The following GRK1 variants were observed in gnomAD, a reference collection of about 807,000 sequenced individuals.
GRK1 encodes rhodopsin kinase GRK1.
Under a neutral mutation model 41.7 loss-of-function variants are expected in GRK1, and 28 were observed. The ratio of observed to expected loss-of-function variants is 0.67; its 90% CI spans 0.50 to 0.92. The LOEUF (loss-of-function observed/expected upper bound fraction) is 0.92. GRK1 is among the 40% of genes least tolerant of loss of function. The pLI, the probability that GRK1 is intolerant of heterozygous loss-of-function variation, is 0.00. For synonymous variants in GRK1, 327 were observed against 286.7 expected (o/e 1.14, Z -1.42); for missense variants, 703 against 671.2 (o/e 1.05, Z -0.52).
intron 4 of GRK1, among the ~76,000 whole-genome samples, chr13:113,727,591 C>T (rs1264344508): frequency 6.7e-6 from 1 of 149,792 alleles, no homozygotes; most frequent in African/African-American, 2.5e-5. Flanking sequence ...TGAGGAGTAC[C>T]CATGGCAATG....
At chr13:113,652,599 G>A in the GRK1 span, 2 of 509,738 alleles carry the variant, frequency 3.9e-6, no homozygotes, top group Non-Finnish European at 7.2e-6. Context: ...GCCCTGAAGG[G>A]GGCCCTGGCC....
rs144116780 is a variant in GRK1 at position 113,731,782 on chromosome 13, C to T, written c.1194+439C>T. ...TGGAGCTTCATCCCCTGGGGACTGG[C>T]GAGGCTGAGGCTGGGGCTCTGGGGG... On this transcript the variant is annotated intron_variant, in intron 5 of 6. Transcript: ENST00000335678. This position sits in a 1 kb window ranked among gnomAD's most constrained non-coding sequence, Gnocchi z 5.6. Among the ~76,000 whole-genome samples the T allele has an allele frequency of 5.6e-3, 860 of 152,250 alleles. 9 individuals are homozygous for T. Among genetic ancestry groups the T allele is most frequent in the African/African-American group, 0.02 (824 of 41,548 alleles).
the GRK1 span, chr13:113,657,984 T>G: frequency 6.8e-7 from 1 of 1,471,202 alleles, no homozygotes; most frequent in South Asian, 1.2e-5. Context: ...GGCTGCGTCC[T>G]CAGAGCGGCC....
rs897798283 is a variant in GRK1, at chr13:113,735,513, A to G, written c.*150A>G. ...CATCACGCCATCTCCTTGCGGCCCAAGGAGGAGAAAGCCCACATCGGCCTG... is the reference window on the plus strand; with the variant it reads ...CATCACGCCATCTCCTTGCGGCCCAGGGAGGAGAAAGCCCACATCGGCCTG... On this transcript the variant is annotated 3_prime_UTR_variant, in exon 7 of 7. Coordinates refer to ENST00000335678, the MANE Select transcript of GRK1 (RefSeq NM_002929.3). 14 of 858,376 alleles carry G rather than the reference A, an allele frequency of 1.6e-5. No individual in the cohort carries two copies. The highest frequency in any genetic ancestry group is 9.8e-5 in the South Asian group (4 of 40,844). The allele number at this position is 858,376 out of a possible 1,614,324, so 53.2% of individuals were successfully genotyped here. A position where few individuals can be genotyped will look rare whatever the true frequency, so the allele number is the denominator to read the frequency against.
Position 113,669,907 on chromosome 13 carries a change from G to A in GRK1, c.827+93G>A, listed in dbSNP as rs1442830245. 12 of 1,492,200 alleles carry A rather than the reference G, an allele frequency of 8.0e-6. No homozygotes were observed. The South Asian group carries it at 8.4e-5, about 10-fold the overall frequency. The allele number at this position is 1,492,200 out of a possible 1,614,324, so 92.4% of individuals were successfully genotyped here. A position where few individuals can be genotyped will look rare whatever the true frequency, so the allele number is the denominator to read the frequency against. On this transcript the variant is annotated intron_variant, in intron 2 of 6. Coordinates refer to ENST00000335678, the MANE Select transcript of GRK1 (RefSeq NM_002929.3). ...GGCTCCTTTCCACAGGCAGAGCCAT[G>A]GTGGCCCCAGGCCTGCCCTCGAGGG...
intron 6 of GRK1, among the ~76,000 whole-genome samples, chr13:113,733,480 T>C (rs941425260): frequency 1.3e-5 from 2 of 152,288 alleles, no homozygotes; most frequent in East Asian, 3.9e-4. Context: ...CGGAAGATAC[T>C]ATGTGCGCGC....
At chr13:113,734,914 G>T in intron 6 of GRK1, 154 bp from the exon 7 acceptor site, 1 of 705,768 alleles carries the variant, frequency 1.4e-6, no homozygotes, top group Non-Finnish European at 2.2e-6. Context: ...GGGAACACTG[G>T]GCTTTCTCTC....
chr13:113,660,180 G>A, the GRK1 span, among the ~76,000 whole-genome samples: 1 of 152,092 alleles, frequency 6.6e-6, no homozygotes, highest in African/African-American at 2.4e-5. Flanking sequence ...ACAATGAGGG[G>A]GGCCCAGAAT....
At chr13:113,669,459 A>G (rs776446853) in intron 1 of GRK1, among the ~76,000 whole-genome samples, 2 of 152,238 alleles carry the variant, frequency 1.3e-5, no homozygotes, top group Non-Finnish European at 2.9e-5. Context: ...CCAGAAGACC[A>G]GAAGTCCCCT....
At chr13:113,649,550 A>G in the GRK1 span, 1 of 1,488,552 alleles carries the variant, frequency 6.7e-7, no homozygotes, top group Non-Finnish European at 9.0e-7. This position sits in a 1 kb window ranked among gnomAD's most constrained non-coding sequence, Gnocchi z 4.7. Flanking sequence ...AGTGGGAGTG[A>G]GGAAAGGACA....
At position 113,671,928 on chromosome 13, in the gene GRK1, A is replaced by G. The variant is rs2049860434; in HGVS notation, c.985+272A>G. On this transcript the variant is annotated intron_variant, in intron 3 of 6. Transcript: ENST00000335678. This position sits in a 1 kb window ranked among gnomAD's most constrained non-coding sequence, Gnocchi z 4.1. ...CTTCTGCCTGAATGAGGCGTCACAC[A>G]GGGATTCTTCTCAGAAATAAACACG... Among the ~76,000 whole-genome samples, 1 of 152,126 alleles carries G rather than the reference A, an allele frequency of 6.6e-6. No homozygotes were observed. Among genetic ancestry groups the G allele is most frequent in the Non-Finnish European group, 1.5e-5 (1 of 68,006 alleles).
the GRK1 span, among the ~76,000 whole-genome samples, chr13:113,661,249 G>T: frequency 1.3e-5 from 2 of 152,084 alleles, no homozygotes; most frequent in Non-Finnish European, 2.9e-5. Context: ...TAATACTCAT[G>T]AGTCAAAAAG....
At chr13:113,733,936 ACGTGTGTGCGTGTGTGTG>A (rs2049976445) in intron 6 of GRK1, among the ~76,000 whole-genome samples, 1 of 99,008 alleles carries the variant, frequency 1.0e-5, no homozygotes, top group Non-Finnish European at 1.9e-5. Flanking sequence ...ATGTGTGCAT[ACGTGTGTGCGTGTGTGTG>A]CATACGTGTG....
At position 113,667,901 on chromosome 13, in the gene GRK1, T is replaced by G. The variant is rs1413248949; in HGVS notation, c.515T>G (p.Leu172Arg). The change falls in exon 1 of 7, where the codon CTG becomes CGG. Residue 172 changes from leucine (L) to arginine (R), a missense_variant. Coordinates refer to ENST00000335678, the MANE Select transcript of GRK1 (RefSeq NM_002929.3). This position sits in a 1 kb window ranked among gnomAD's most constrained non-coding sequence, Gnocchi z 7.5. Reference protein sequence around the residue: ...FQEYLGSLYFLRFLQWKWLEA... With the variant: ...FQEYLGSLYFRRFLQWKWLEA... ...GAGTACCTGGGCAGCCTGTACTTCC[T>G]GAGGTTCCTGCAGTGGAAGTGGCTG... The G allele has an allele frequency of 1.2e-6, 2 of 1,603,502 alleles. No individual in the cohort carries two copies. Among genetic ancestry groups the G allele is most frequent in the East Asian group, 4.5e-5 (2 of 44,532 alleles).
upstream of GRK1, among the ~76,000 whole-genome samples, chr13:113,663,082 A>G (rs112815539): frequency 0.014 from 2,070 of 152,316 alleles, 45 homozygotes; most frequent in African/African-American, 0.045. Context: ...AGTCTACCCA[A>G]TTTCAAAGCT....
At chr13:113,658,018 GC>G in the GRK1 span, 23 of 1,582,780 alleles carry the variant, frequency 1.5e-5, no homozygotes, top group African/African-American at 1.1e-4. Flanking sequence ...CAGCCGGCCC[GC>G]CCCCCGCACG....
the GRK1 span, chr13:113,654,923 G>A: frequency 6.1e-5 from 99 of 1,614,212 alleles, no homozygotes; most frequent in South Asian, 1.8e-4. Flanking sequence ...AGAAGGCCAC[G>A]TAGTACAGGC....
At chr13:113,732,281 T>C (rs1250749319) in intron 5 of GRK1, among the ~76,000 whole-genome samples, 1 of 152,060 alleles carries the variant, frequency 6.6e-6, no homozygotes, top group Non-Finnish European at 1.5e-5. Flanking sequence ...TCCCTGGACA[T>C]GTGACCTGTC....
In GRK1 at chr13:113,731,690, G is replaced by C. The variant is rs1296916621; in HGVS notation, c.1194+347G>C. Among the ~76,000 whole-genome samples the C allele has an allele frequency of 6.6e-6, 1 of 152,162 alleles. No individual in the cohort carries two copies. The highest frequency in any genetic ancestry group is 1.5e-5 in the Non-Finnish European group (1 of 68,002). On this transcript the variant is annotated intron_variant, in intron 5 of 6. Coordinates refer to ENST00000335678, the MANE Select transcript of GRK1 (RefSeq NM_002929.3). The surrounding 1 kb of genome is among the most constrained non-coding windows in gnomAD (Gnocchi z 5.6). ...CCTCTGGTGCAGACCGGAGGAGGGAGGGCGACTTATCCCACTGTTGCCCCA... is the reference window on the plus strand; with the variant it reads ...CCTCTGGTGCAGACCGGAGGAGGGACGGCGACTTATCCCACTGTTGCCCCA...
Sources: allele counts gnomAD v4.1 joint callset (sites outside exome capture counted in the v4.1 genomes callset), GRCh38; gene constraint gnomAD v4.1.1; non-coding constraint Gnocchi (gnomAD v3.1); transcripts MANE v1.5; gene names NCBI Gene and HGNC (gene_info 2026-07-23, HGNC 2026-07-21).